ST3GAL4: variants seen among roughly 807,000 people sequenced by gnomAD.
ST3GAL4 encodes CMP-N-acetylneuraminate-beta-galactosamide-alpha-2,3-sialyltransferase 4.
A neutral mutation model predicts 42.6 loss-of-function variants in ST3GAL4; 24 were observed. That is an observed-to-expected ratio of 0.56 (90% confidence interval 0.41 to 0.79). The LOEUF is 0.79. Among genes scored for constraint, ST3GAL4 ranks in the 30% least tolerant of loss-of-function variants. The pLI, the probability that ST3GAL4 is intolerant of heterozygous loss-of-function variation, is 0.00. For synonymous variants in ST3GAL4, 135 were observed against 163.2 expected, an observed-to-expected ratio of 0.83 and a Z score of 1.32; for missense variants, 311 against 430.8, an observed-to-expected ratio of 0.72 and a Z score of 2.46.
At position 126,355,924 on chromosome 11, in the gene ST3GAL4, A is replaced by G. The variant is rs970302052; in HGVS notation, c.-61+82A>G. 10 of 150,086 alleles carry G rather than the reference A, an allele frequency of 6.7e-5. No individual in the cohort carries two copies. The highest frequency in any genetic ancestry group is 1.3e-4 in the Non-Finnish European group (9 of 67,268). The allele number at this position is 150,086 out of a possible 1,614,324, so 9.3% of individuals were successfully genotyped here. A position where few individuals can be genotyped will look rare whatever the true frequency, so the allele number is the denominator to read the frequency against. On this transcript the variant is annotated intron_variant, in intron 1 of 10. Coordinates refer to ENST00000444328, the MANE Select transcript of ST3GAL4 (RefSeq NM_001254757.2). The surrounding 1 kb of genome is among the most constrained non-coding windows in gnomAD (Gnocchi z 7.1). ...GCGGGGTCCTCGGCCGCCTGACCCC[A>G]GCCGGCGCCGCGCCTCCCGGAGGGG...
intron 1 of ST3GAL4, among the ~76,000 whole-genome samples, chr11:126,387,931 G>C (rs964613134): frequency 5.3e-5 from 8 of 152,272 alleles, no homozygotes; most frequent in African/African-American, 1.9e-4. Flanking sequence ...ACTATGTTTT[G>C]GAGATTAGAC....
In ST3GAL4 at chr11:126,357,746, C is replaced by T. The variant is rs71475954; in HGVS notation, c.-61+1904C>T. On this transcript the variant is annotated intron_variant, in intron 1 of 10. Coordinates refer to ENST00000444328, the MANE Select transcript of ST3GAL4 (RefSeq NM_001254757.2). ...TTGAGCTGTCATTCTGTCCTAACTC[C>T]CCACTGGCCACCATCTGCCCTTGCT... Among the ~76,000 whole-genome samples the T allele has an allele frequency of 7.0e-3, 1,067 of 152,344 alleles. 8 individuals carry two copies. Among genetic ancestry groups the T allele is most frequent in the Non-Finnish European group, 0.012 (819 of 68,026 alleles).
intron 1 of ST3GAL4, among the ~76,000 whole-genome samples, chr11:126,358,102 C>A (rs146953363): frequency 6.6e-6 from 1 of 152,346 alleles, no homozygotes; most frequent in African/African-American, 2.4e-5. Flanking sequence ...GCTCCTGGCC[C>A]CTCGGAGATG....
At position 126,392,256 on chromosome 11, in the gene ST3GAL4, C is replaced by A; in HGVS notation, c.-60-13840C>A. 1 of 933,328 alleles carries A rather than the reference C, an allele frequency of 1.1e-6. No homozygotes were observed. 57.8% of individuals were successfully genotyped at this position (933,328 alleles called of 1,614,324 possible). A position where few individuals can be genotyped will look rare whatever the true frequency, so the allele number is the denominator to read the frequency against. Reference sequence around the variant, plus strand: ...AGTAAGTAGGAAGGAAGGAGATTTCCTGGGTATTAGGGTGTCCTCAAGCCT... The same window carrying A: ...AGTAAGTAGGAAGGAAGGAGATTTCATGGGTATTAGGGTGTCCTCAAGCCT... On this transcript the variant is annotated intron_variant, in intron 1 of 10. Transcript: ENST00000444328. The surrounding 1 kb of genome is among the most constrained non-coding windows in gnomAD (Gnocchi z 5.8).
intron 1 of ST3GAL4, among the ~76,000 whole-genome samples, chr11:126,374,008 A>G (rs1475616774): frequency 6.6e-6 from 1 of 152,084 alleles, no homozygotes; most frequent in African/African-American, 2.4e-5. Context: ...ACACGTTTGT[A>G]TTGAGAGCCT....
In ST3GAL4 at chr11:126,383,048, G is replaced by T. The variant is rs941152067; in HGVS notation, c.-60-23048G>T. On this transcript the variant is annotated intron_variant, in intron 1 of 10. Transcript: ENST00000444328. This position sits in a 1 kb window ranked among gnomAD's most constrained non-coding sequence, Gnocchi z 4.5. ...GCCCAGAGGACAGTGAGTGTGTGTT[G>T]TGTGGGTGCCAGGCCAGGGAGTGCC... is the stretch of plus-strand genomic sequence containing the variant. Among the ~76,000 whole-genome samples the T allele has an allele frequency of 6.6e-6, 1 of 152,330 alleles. No individual in the cohort carries two copies. Among genetic ancestry groups the T allele is most frequent in the East Asian group, 1.9e-4 (1 of 5,174 alleles).
In ST3GAL4 at chr11:126,373,788, T is replaced by C. The variant is rs2135416887; in HGVS notation, c.-61+17946T>C. Among the ~76,000 whole-genome samples the C allele has an allele frequency of 6.6e-6, 1 of 152,190 alleles. No homozygotes were observed. The highest frequency in any genetic ancestry group is 6.5e-5 in the Admixed American group (1 of 15,278). On this transcript the variant is annotated intron_variant, in intron 1 of 10. Transcript: ENST00000444328. The surrounding 1 kb of genome is among the most constrained non-coding windows in gnomAD (Gnocchi z 5.5). Reference sequence around the variant, plus strand: ...TTAGCTGGTCAGTTACTCACTGTGCTCTCTGCCAACTCTAATGAGCCAGGA... The same window carrying C: ...TTAGCTGGTCAGTTACTCACTGTGCCCTCTGCCAACTCTAATGAGCCAGGA...
rs895551257 is a variant in ST3GAL4, at chr11:126,364,914, T to C, written c.-61+9072T>C. On this transcript the variant is annotated intron_variant, in intron 1 of 10. Transcript: ENST00000444328. The stretch of plus-strand genomic sequence containing the variant: ...ATCGCTGACCCTGCAGCTGTCCAAA[T>C]AGAGCAAGAAGTGAATGTTCTCTTT... 2.3e-4 allele frequency among the ~76,000 whole-genome samples: 35 copies of C among 151,010 alleles called. 1 individual carries two copies. Among genetic ancestry groups the C allele is most frequent in the African/African-American group, 8.3e-4 (34 of 40,784 alleles).
At chr11:126,377,208 T>C (rs976091504) in intron 1 of ST3GAL4, among the ~76,000 whole-genome samples, 2 of 152,162 alleles carry the variant, frequency 1.3e-5, no homozygotes, top group Non-Finnish European at 2.9e-5. Flanking sequence ...TCTTACTCTG[T>C]CGCCCAGGCT....
intron 1 of ST3GAL4, among the ~76,000 whole-genome samples, chr11:126,370,837 C>T (rs1005144460): frequency 2.0e-5 from 3 of 152,092 alleles, no homozygotes; most frequent in South Asian, 2.1e-4. Flanking sequence ...CCACCACGCT[C>T]GGCTAATTTT....
intron 1 of ST3GAL4, among the ~76,000 whole-genome samples, chr11:126,364,171 A>G (rs752924622): frequency 2.8e-4 from 42 of 152,160 alleles, no homozygotes; most frequent in Non-Finnish European, 5.1e-4. Flanking sequence ...CCGGCTCCAT[A>G]TGGATTTGGT....
intron 1 of ST3GAL4, among the ~76,000 whole-genome samples, chr11:126,388,640 A>G (rs1345421860): frequency 2.1e-5 from 2 of 93,750 alleles, no homozygotes; most frequent in Admixed American, 2.0e-4. Flanking sequence ...CCCTTTGCCT[A>G]TTTTTAAATT....
At chr11:126,381,372 G>A (rs1333636677) in intron 1 of ST3GAL4, among the ~76,000 whole-genome samples, 4 of 152,096 alleles carry the variant, frequency 2.6e-5, no homozygotes, top group Non-Finnish European at 5.9e-5. Flanking sequence ...GCTCCATATG[G>A]ATTTGGTTTG....
Position 126,413,403 on chromosome 11 carries a change from A to G in ST3GAL4, c.772-102A>G, listed in dbSNP as rs925723414. 2.4e-5 allele frequency: 35 copies of G among 1,455,730 alleles called. No homozygotes were observed. In the African/African-American group the frequency reaches 3.7e-4, roughly 15 times the overall value. 90.2% of individuals were successfully genotyped at this position (1,455,730 alleles called of 1,614,324 possible). ...GTCTTGTTGGACAGCGCAGATGGAGAACGTTTCCGTGACTGCAGGAAGTTC... is the reference window on the plus strand; with the variant it reads ...GTCTTGTTGGACAGCGCAGATGGAGGACGTTTCCGTGACTGCAGGAAGTTC... On this transcript the variant is annotated intron_variant, in intron 9 of 10. Transcript: ENST00000444328.
At position 126,376,422 on chromosome 11, in the gene ST3GAL4, G is replaced by T. The variant is rs1269467124; in HGVS notation, c.-61+20580G>T. On this transcript the variant is annotated intron_variant, in intron 1 of 10. Coordinates refer to ENST00000444328, the MANE Select transcript of ST3GAL4 (RefSeq NM_001254757.2). The surrounding 1 kb of genome is among the most constrained non-coding windows in gnomAD (Gnocchi z 5.1). ...AGAGTGAATGTAAAAGCAAAATGAA[G>T]AATTTATTTGATTTAATTGGTTGCA... Among the ~76,000 whole-genome samples, 1 of 152,108 alleles carries T rather than the reference G, an allele frequency of 6.6e-6. No individual in the cohort carries two copies. The highest frequency in any genetic ancestry group is 2.4e-5 in the African/African-American group (1 of 41,420).
At position 126,376,055 on chromosome 11, in the gene ST3GAL4, A is replaced by G. The variant is rs1194875480; in HGVS notation, c.-61+20213A>G. ...CTTGGCAGTTTAATAGAATCTAGAG[A>G]TATAAAGAAGTTCCTGACCACAGAG... On this transcript the variant is annotated intron_variant, in intron 1 of 10. Coordinates refer to ENST00000444328, the MANE Select transcript of ST3GAL4 (RefSeq NM_001254757.2). This position sits in a 1 kb window ranked among gnomAD's most constrained non-coding sequence, Gnocchi z 5.1. Among the ~76,000 whole-genome samples the G allele has an allele frequency of 7.2e-5, 11 of 152,256 alleles. No homozygotes were observed. The South Asian group carries it at 2.1e-3, about 29-fold the overall frequency.
Position 126,407,322 on chromosome 11 carries a change from G to A in ST3GAL4, c.253G>A (p.Glu85Lys), listed in dbSNP as rs780332428. The A allele has an allele frequency of 1.9e-6, 3 of 1,614,158 alleles. No individual in the cohort carries two copies. The highest frequency in any genetic ancestry group is 4.5e-5 in the East Asian group (2 of 44,892). ...YFWVKTPSAY[E>K]LPYGTKGSED... ...CTGGGTCAAGACGCCATCTGCTTAC[G>A]AGCTGCCCTATGGGACCAAGGGGAG... Residue 85 changes from glutamate to lysine, a missense_variant, in exon 5 of 11, where the codon GAG (glutamate) becomes AAG (lysine). Physicochemically the swap from Glu to Lys is moderately conservative, Grantham distance 56. Transcript: ENST00000444328.
rs1398732575 is a variant in ST3GAL4 at position 126,376,323 on chromosome 11, A to G, written c.-61+20481A>G. The stretch of plus-strand genomic sequence containing the variant: ...AATATTTTAAAGAGTTTATTTGTGT[A>G]AGAAGTGAATTGGGAAACAGAAAAC... On this transcript the variant is annotated intron_variant, in intron 1 of 10. Transcript: ENST00000444328. This position sits in a 1 kb window ranked among gnomAD's most constrained non-coding sequence, Gnocchi z 5.1. Among the ~76,000 whole-genome samples, 1 of 152,232 alleles carries G rather than the reference A, an allele frequency of 6.6e-6. No individual in the cohort carries two copies. Among genetic ancestry groups the G allele is most frequent in the Non-Finnish European group, 1.5e-5 (1 of 68,038 alleles).
rs1307331646 is a variant in ST3GAL4 at position 126,406,063 on chromosome 11, G to GCCGA, written c.-60-32_-60-31insCGAC. ...GTGTCTAGGCAGGAGAGTTTGTGAA[G>GCCGA]CTGACCGGACACCTGTGGCTCTTAT... On this transcript the variant is annotated intron_variant, in intron 1 of 10. Coordinates refer to ENST00000444328, the MANE Select transcript of ST3GAL4 (RefSeq NM_001254757.2). This position sits in a 1 kb window ranked among gnomAD's most constrained non-coding sequence, Gnocchi z 5.4. 9.2e-5 allele frequency: 143 copies of GCCGA among 1,551,070 alleles called. 1 individual carries two copies. The highest frequency in any genetic ancestry group is 1.2e-4 in the Non-Finnish European group (133 of 1,146,876).
Sources: gnomAD v4.1 joint callset for allele counts (sites outside exome capture counted in the v4.1 genomes callset) on GRCh38, gnomAD v4.1.1 for gene constraint, Gnocchi (gnomAD v3.1) non-coding constraint, MANE v1.5 for transcripts, NCBI Gene and HGNC (gene_info 2026-07-23, HGNC 2026-07-21) for gene names.